The following PRKD1 variants were observed in gnomAD, a reference collection of about 807,000 sequenced individuals.
PRKD1 encodes protein kinase D1.
Under a neutral mutation model 95.9 loss-of-function variants are expected in PRKD1, and 63 were observed. The ratio of observed to expected loss-of-function variants is 0.66; its 90% CI spans 0.54 to 0.81. The LOEUF is 0.81. Ranked by LOEUF, PRKD1 falls within the 30% of genes least tolerant of loss-of-function variation. The pLI is 0.00. For synonymous variants in PRKD1, 425 were observed against 423.1 expected (o/e 1.00, Z -0.05); for missense variants, 1,048 against 1,165.3 (o/e 0.90, Z 1.47).
At chr14:29,811,150 G>A (rs1306207969) in intron 1 of PRKD1, among the ~76,000 whole-genome samples, 1 of 152,184 alleles carries the variant, frequency 6.6e-6, no homozygotes, top group Admixed American at 6.5e-5. Flanking sequence ...TGCCATTAAA[G>A]GTACTAAAAT....
intron 1 of PRKD1, among the ~76,000 whole-genome samples, chr14:29,740,747 C>T (rs927803869): frequency 2.0e-5 from 3 of 152,182 alleles, no homozygotes; most frequent in Non-Finnish European, 4.4e-5. Context: ...AATCCCATTA[C>T]TGGGTATATG....
In PRKD1 at chr14:29,780,209, A is replaced by T. The variant is rs1888980490; in HGVS notation, c.265-54535T>A. Reference sequence around the variant, plus strand: ...CCTAGAAGAAAACCTAGGCAATACCATTCAGGACATAGGCATGGGCAAGGA... The same window carrying T: ...CCTAGAAGAAAACCTAGGCAATACCTTTCAGGACATAGGCATGGGCAAGGA... On this transcript the variant is annotated intron_variant, in intron 1 of 17. Transcript: ENST00000331968. 2.0e-5 allele frequency among the ~76,000 whole-genome samples: 3 copies of T among 152,350 alleles called. No homozygotes were observed. The South Asian group carries it at 6.2e-4, about 32-fold the overall frequency.
At chr14:29,587,003 G>A (rs991188368) in intron 16 of PRKD1, among the ~76,000 whole-genome samples, 4 of 152,168 alleles carry the variant, frequency 2.6e-5, no homozygotes, top group African/African-American at 9.7e-5. Context: ...CGTAGATAAA[G>A]CAGAGAGTGC....
chr14:29,740,843 G>A (rs1886951230), intron 1 of PRKD1, among the ~76,000 whole-genome samples: 1 of 152,078 alleles, frequency 6.6e-6, no homozygotes, highest in African/African-American at 2.4e-5. Context: ...GCAAAAACAT[G>A]GAATCAACCT....
intron 1 of PRKD1, 50 bp downstream of exon 1, chr14:29,927,199 C>G (rs1288278304): frequency 7.0e-7 from 1 of 1,438,086 alleles, no homozygotes; most frequent in East Asian, 3.2e-5. Flanking sequence ...CCGGGCAGCG[C>G]CCCCTGCGCC....
At chr14:29,825,105 G>A (rs1347509859) in intron 1 of PRKD1, among the ~76,000 whole-genome samples, 3 of 152,008 alleles carry the variant, frequency 2.0e-5, no homozygotes, top group South Asian at 4.1e-4. Flanking sequence ...AAAATCTAGT[G>A]AACCGCCAGT....
chr14:29,927,238 C>G lies in PRKD1; in HGVS notation c.264+11G>C. ...GGGAGGCGCCGGGCTGGCAGCGGTG[C>G]GGCGACTTACCTTCTGGTCGACAAT... On this transcript the variant is annotated intron_variant, in intron 1 of 17. Transcript: ENST00000331968. 2 of 1,489,058 alleles carry G rather than the reference C, an allele frequency of 1.3e-6. No individual in the cohort carries two copies. The highest frequency in any genetic ancestry group is 1.8e-6 in the Non-Finnish European group (2 of 1,119,100). The allele number at this position is 1,489,058 out of a possible 1,614,324, so 92.2% of individuals were successfully genotyped here.
At chr14:29,605,727 A>G (rs1356620563) in intron 13 of PRKD1, among the ~76,000 whole-genome samples, 1 of 152,262 alleles carries the variant, frequency 6.6e-6, no homozygotes, top group Admixed American at 6.5e-5. Flanking sequence ...CATACTAAAT[A>G]TTCAACACAT....
chr14:29,638,220 A>G (rs1032779263), intron 6 of PRKD1: 2 of 463,052 alleles, frequency 4.3e-6, no homozygotes, highest in Non-Finnish European at 7.7e-6. Context: ...AGAATATAAG[A>G]TAATAAAACT....
chr14:29,686,074 A>C (rs561230495), intron 2 of PRKD1, among the ~76,000 whole-genome samples: 22 of 152,318 alleles, frequency 1.4e-4, no homozygotes, highest in African/African-American at 5.3e-4. Flanking sequence ...AATTCTTATA[A>C]AAGGCTTCCT....
chr14:29,675,800 T>C (rs1883134236), intron 2 of PRKD1, among the ~76,000 whole-genome samples: 2 of 151,702 alleles, frequency 1.3e-5, no homozygotes, highest in South Asian at 2.1e-4. Context: ...TATGCCACCA[T>C]AAAAAAGGAT....
At position 29,713,922 on chromosome 14, in the gene PRKD1, A is replaced by T. The variant is rs1885462012; in HGVS notation, c.403+11614T>A. Among the ~76,000 whole-genome samples the T allele has an allele frequency of 2.6e-5, 4 of 152,210 alleles. No homozygotes were observed. In the South Asian group the frequency reaches 8.3e-4, roughly 31 times the overall value. On this transcript the variant is annotated intron_variant, in intron 2 of 17. Transcript: ENST00000331968. ...TAAACGTGGCAGCTACTGAAATTAAACTCAGGCCGGTTACTTCTAGACCTG... is the reference window on the plus strand; with the variant it reads ...TAAACGTGGCAGCTACTGAAATTAATCTCAGGCCGGTTACTTCTAGACCTG...
intron 1 of PRKD1, among the ~76,000 whole-genome samples, chr14:29,748,948 T>C (rs1887355070): frequency 6.6e-6 from 1 of 152,174 alleles, no homozygotes. Context: ...TATAAAATTA[T>C]ATAGATTTTG....
At chr14:29,707,478 G>A (rs1885147353) in intron 2 of PRKD1, among the ~76,000 whole-genome samples, 1 of 152,118 alleles carries the variant, frequency 6.6e-6, no homozygotes, top group Admixed American at 6.5e-5. Context: ...TAGGCACTGA[G>A]AATATAGCAT....
intron 1 of PRKD1, among the ~76,000 whole-genome samples, chr14:29,906,428 A>G (rs1328284857): frequency 6.6e-6 from 1 of 151,964 alleles, no homozygotes; most frequent in Non-Finnish European, 1.5e-5. Flanking sequence ...GGTTCCAGCT[A>G]CTGGGATGCC....
chr14:29,609,109 T>C (rs968668112), intron 13 of PRKD1, among the ~76,000 whole-genome samples: 1 of 152,114 alleles, frequency 6.6e-6, no homozygotes, highest in African/African-American at 2.4e-5. Flanking sequence ...GATTCAGAAA[T>C]TCTCAGATCA....
rs561601332 is a variant in PRKD1 at position 29,781,564 on chromosome 14, G to A, written c.265-55890C>T. ...TGCTTCATTGGATGAAAATTTATCC[G>A]GCCTGAGCCAAGGTACAAAGAAGAC... is the stretch of plus-strand genomic sequence containing the variant. On this transcript the variant is annotated intron_variant, in intron 1 of 17. Coordinates refer to ENST00000331968, the MANE Select transcript of PRKD1 (RefSeq NM_002742.3). Among the ~76,000 whole-genome samples, 8 of 152,308 alleles carry A rather than the reference G, an allele frequency of 5.3e-5. No individual in the cohort carries two copies. The East Asian group carries it at 1.2e-3, about 22-fold the overall frequency.
intron 16 of PRKD1, among the ~76,000 whole-genome samples, chr14:29,593,505 G>T (rs1056544637): frequency 6.6e-6 from 1 of 152,172 alleles, no homozygotes; most frequent in Non-Finnish European, 1.5e-5. Context: ...TGGGTGTTAA[G>T]GGAGTTAACC....
chr14:29,639,052 T>C, intron 4 of PRKD1, 148 bp from the exon 5 acceptor site: 1 of 605,818 alleles, frequency 1.7e-6, no homozygotes, highest in East Asian at 2.9e-5. Flanking sequence ...TTAATTAATA[T>C]AATTTACTTG....
Sources: gnomAD v4.1 joint callset for allele counts (sites outside exome capture counted in the v4.1 genomes callset) on GRCh38, gnomAD v4.1.1 for gene constraint, MANE v1.5 for transcripts, NCBI Gene and HGNC (gene_info 2026-07-23, HGNC 2026-07-21) for gene names.